EPB41L4A: variants seen among roughly 807,000 people sequenced by gnomAD.
EPB41L4A encodes erythrocyte membrane protein band 4.1 like 4A.
Under a neutral mutation model 108.6 loss-of-function variants are expected in EPB41L4A, and 100 were observed. The observed-to-expected ratio is 0.92, with a 90% CI of 0.78 to 1.09. The LOEUF (loss-of-function observed/expected upper bound fraction) is 1.09, where lower values mean the gene tolerates loss of function less well. EPB41L4A is among the 50% of genes least tolerant of loss of function. The pLI is 0.00. For synonymous variants in EPB41L4A, 319 were observed against 289.0 expected (o/e 1.10, Z -1.05); for missense variants, 1,030 against 842.7 (o/e 1.22, Z -2.75).
chr5:112,186,983 A>C (rs1374878616), intron 17 of EPB41L4A, among the ~76,000 whole-genome samples: 1 of 152,190 alleles, frequency 6.6e-6, no homozygotes, highest in African/African-American at 2.4e-5. Context: ...TTTAAGTCTC[A>C]TTTATTCTCA....
At chr5:112,344,844 G>C (rs552461838) in intron 1 of EPB41L4A, among the ~76,000 whole-genome samples, 3 of 152,288 alleles carry the variant, frequency 2.0e-5, no homozygotes, top group African/African-American at 7.2e-5. Context: ...CTCTTTCTCT[G>C]GTAGAAGTAG....
chr5:112,410,935 G>A (rs1762373256), intron 1 of EPB41L4A, among the ~76,000 whole-genome samples: 1 of 152,174 alleles, frequency 6.6e-6, no homozygotes, highest in Non-Finnish European at 1.5e-5. Flanking sequence ...AGATAGCAGA[G>A]CAAGGATGAA....
At chr5:112,393,633 G>A (rs1446911642) in intron 1 of EPB41L4A, among the ~76,000 whole-genome samples, 4 of 152,032 alleles carry the variant, frequency 2.6e-5, no homozygotes, top group Non-Finnish European at 5.9e-5. Context: ...AGAACCAAAC[G>A]GATTCACAGG....
chr5:112,418,740 C>G (rs1017801971), intron 1 of EPB41L4A, among the ~76,000 whole-genome samples: 2 of 152,134 alleles, frequency 1.3e-5, no homozygotes, highest in Non-Finnish European at 2.9e-5. Context: ...TCAAACTCAA[C>G]TTTGCTTTAT....
At chr5:112,401,788 T>C (rs556319048) in intron 1 of EPB41L4A, among the ~76,000 whole-genome samples, 2 of 152,174 alleles carry the variant, frequency 1.3e-5, no homozygotes, top group Non-Finnish European at 2.9e-5. Context: ...CAATGACAGG[T>C]GCATGCAGTA....
At chr5:112,405,026 CCT>C in intron 1 of EPB41L4A, among the ~76,000 whole-genome samples, 1 of 152,144 alleles carries the variant, frequency 6.6e-6, no homozygotes, top group African/African-American at 2.4e-5. Context: ...TCAAGGGAGC[CCT>C]TGTTTTCATA....
chr5:112,193,804 T>G (rs748274461), intron 17 of EPB41L4A, among the ~76,000 whole-genome samples: 1 of 152,168 alleles, frequency 6.6e-6, no homozygotes, highest in East Asian at 1.9e-4. Context: ...CCCTATCCAA[T>G]TGTCACGATA....
At chr5:112,329,998 T>C (rs1756451239) in intron 1 of EPB41L4A, among the ~76,000 whole-genome samples, 1 of 152,154 alleles carries the variant, frequency 6.6e-6, no homozygotes. Flanking sequence ...AAATTAATAA[T>C]ATCTGCCCAA....
intron 1 of EPB41L4A, among the ~76,000 whole-genome samples, chr5:112,390,222 T>C (rs1025624876): frequency 6.6e-6 from 1 of 151,936 alleles, no homozygotes; most frequent in South Asian, 2.1e-4. Flanking sequence ...CCACAGAGGG[T>C]GAGCCAAAGC....
chr5:112,361,046 C>T (rs2112477947), intron 1 of EPB41L4A, among the ~76,000 whole-genome samples: 1 of 152,268 alleles, frequency 6.6e-6, no homozygotes, highest in East Asian at 1.9e-4. Context: ...GAGAACGGGC[C>T]ATGATGACGA....
At chr5:112,388,059 G>C (rs1405951150) in intron 1 of EPB41L4A, among the ~76,000 whole-genome samples, 2 of 152,200 alleles carry the variant, frequency 1.3e-5, no homozygotes, top group Non-Finnish European at 2.9e-5. Flanking sequence ...CCATGGCACA[G>C]AGAAGACTTA....
At chr5:112,419,792 G>C, upstream of EPB41L4A, 1 of 456,766 alleles carries the variant, frequency 2.2e-6, no homozygotes, top group Non-Finnish European at 4.4e-6. Flanking sequence ...CTCGTCGCGG[G>C]GTGTGGCTCC....
At chr5:112,240,120 G>A (rs186166682) in intron 10 of EPB41L4A, among the ~76,000 whole-genome samples, 17 of 152,108 alleles carry the variant, frequency 1.1e-4, no homozygotes, top group South Asian at 4.2e-4. Flanking sequence ...CCCTTTCCTC[G>A]TTTCCCAGGA....
chr5:112,410,894 T>C (rs546485264), intron 1 of EPB41L4A, among the ~76,000 whole-genome samples: 71 of 152,102 alleles, frequency 4.7e-4, no homozygotes, highest in Non-Finnish European at 8.4e-4. Context: ...AATTTGGCCA[T>C]TGCTACCACC....
At chr5:112,230,343 A>C (rs535358391) in intron 12 of EPB41L4A, among the ~76,000 whole-genome samples, 1 of 152,262 alleles carries the variant, frequency 6.6e-6, no homozygotes, top group Non-Finnish European at 1.5e-5. Flanking sequence ...TTACATTCCA[A>C]CCAGCAGTGT....
chr5:112,307,188 C>T (rs1456507926), intron 2 of EPB41L4A, among the ~76,000 whole-genome samples, 198 bp downstream of exon 2: 2 of 152,144 alleles, frequency 1.3e-5, no homozygotes, highest in African/African-American at 4.8e-5. Flanking sequence ...TGTACAGAAG[C>T]TGTGAATCCA....
downstream of EPB41L4A, among the ~76,000 whole-genome samples, chr5:112,141,837 C>G (rs1338218130): frequency 1.3e-5 from 2 of 152,120 alleles, no homozygotes; most frequent in African/African-American, 4.8e-5. Context: ...TATTCTGTAC[C>G]CTCCTGATCT....
At chr5:112,366,673 A>G (rs1231401990) in intron 1 of EPB41L4A, among the ~76,000 whole-genome samples, 1 of 151,902 alleles carries the variant, frequency 6.6e-6, no homozygotes, top group Non-Finnish European at 1.5e-5. Context: ...TCCATTGGCT[A>G]CAACCAGAGG....
At chr5:112,145,467 A>G (rs1485686998) in intron 13 of EPB41L4A, among the ~76,000 whole-genome samples, 4 of 152,236 alleles carry the variant, frequency 2.6e-5, no homozygotes, top group African/African-American at 9.6e-5. Flanking sequence ...TAAATAAATA[A>G]AAATAAGTTA....
Sources: gnomAD v4.1 joint callset for allele counts (sites outside exome capture counted in the v4.1 genomes callset) on GRCh38, gnomAD v4.1.1 for gene constraint, MANE v1.5 for transcripts, NCBI Gene and HGNC (gene_info 2026-07-23, HGNC 2026-07-21) for gene names.